GRAMD1A: variants seen among roughly 807,000 people sequenced by gnomAD.
GRAMD1A encodes protein Aster-A.
GRAMD1A carries 50 observed loss-of-function variants against 92.0 expected under a neutral mutation model. That is an observed-to-expected ratio of 0.54 (90% CI 0.43 to 0.69). GRAMD1A has a LOEUF of 0.69. Ranked by LOEUF, GRAMD1A falls within the 30% of genes least tolerant of loss-of-function variation. The pLI, the probability that GRAMD1A is intolerant of heterozygous loss-of-function variation, is 0.00. For synonymous variants in GRAMD1A, 405 were observed against 403.6 expected (o/e 1.00, Z -0.04); for missense variants, 819 against 978.9 (o/e 0.84, Z 2.18).
At chr19:35,020,564 C>T (rs890996918) in intron 13 of GRAMD1A, among the ~76,000 whole-genome samples, 1 of 145,750 alleles carries the variant, frequency 6.9e-6, no homozygotes, top group Non-Finnish European at 1.5e-5. Context: ...AAACAAAAAA[C>T]AAGTTAAAAA....
intron 1 of GRAMD1A, among the ~76,000 whole-genome samples, chr19:35,006,834 C>A (rs1300843660): frequency 6.6e-6 from 1 of 152,208 alleles, no homozygotes; most frequent in African/African-American, 2.4e-5. Flanking sequence ...TCCAGATAGC[C>A]TGGGGTGTGG....
Position 35,013,392 on chromosome 19 carries a change from T to C in GRAMD1A, c.719+24T>C. ...GGGTGAGTTGGAGGTCAAAGGAGGT[T>C]GAAGGGTTCGGGGGAGAACAGGACG... On this transcript the variant is annotated intron_variant, in intron 8 of 19. Transcript: ENST00000317991. This position sits in a 1 kb window ranked among gnomAD's most constrained non-coding sequence, Gnocchi z 4.9. 1 of 1,524,430 alleles carries C rather than the reference T, an allele frequency of 6.6e-7. No individual in the cohort carries two copies. Among genetic ancestry groups the C allele is most frequent in the Non-Finnish European group, 9.0e-7 (1 of 1,114,606 alleles). 94.4% of individuals were successfully genotyped at this position (1,524,430 alleles called of 1,614,324 possible).
chr19:35,012,024 C>T (rs2015279241), intron 7 of GRAMD1A, among the ~76,000 whole-genome samples: 1 of 152,168 alleles, frequency 6.6e-6, no homozygotes, highest in Non-Finnish European at 1.5e-5. Flanking sequence ...CACAGTCAGG[C>T]CCTAAGGAGG....
chr19:34,999,083 G>A (rs989366359), upstream of GRAMD1A, among the ~76,000 whole-genome samples: 4 of 152,104 alleles, frequency 2.6e-5, no homozygotes, highest in African/African-American at 9.7e-5. Flanking sequence ...CTGGCTGCAG[G>A]TGAGAACAGA....
chr19:35,011,101 C>CAA (rs56905471), intron 6 of GRAMD1A, among the ~76,000 whole-genome samples: 725 of 71,646 alleles, frequency 0.01, 17 homozygotes, highest in African/African-American at 0.036. Flanking sequence ...GACCCTGTCT[C>CAA]AAAAAAAAAA....
chr19:35,003,383 T>G (rs1293699409), intron 1 of GRAMD1A, among the ~76,000 whole-genome samples: 1 of 152,088 alleles, frequency 6.6e-6, no homozygotes, highest in Middle Eastern at 3.2e-3. Flanking sequence ...CAAAACAACA[T>G]CCCTTCCGAG....
intron 17 of GRAMD1A, 65 bp downstream of exon 17, chr19:35,022,976 T>G: frequency 8.7e-7 from 1 of 1,143,970 alleles, no homozygotes; most frequent in Non-Finnish European, 1.2e-6. Context: ...CAGCCTCTTC[T>G]CCCCACCCCA....
rs773303390 is a variant in GRAMD1A at position 35,019,211 on chromosome 19, A to G, written c.1234A>G (p.Ser412Gly). 15 of 1,611,394 alleles carry G rather than the reference A, an allele frequency of 9.3e-6. No homozygotes were observed. The highest frequency in any genetic ancestry group is 1.3e-5 in the Non-Finnish European group (15 of 1,177,950). Reference sequence around the variant, plus strand: ...TCTAGACGTGACGCTGAGCCCCTGGAGTGGGGACAGCAAGTGCCACCAGCG... The same window carrying G: ...TCTAGACGTGACGCTGAGCCCCTGGGGTGGGGACAGCAAGTGCCACCAGCG... ...KFTDVTLSPW[S>G]GDSKCHQRRV... Residue 412 changes from serine to glycine, a missense_variant, in exon 12 of 20, where the codon AGT becomes GGT. Coordinates refer to ENST00000317991, the MANE Select transcript of GRAMD1A (RefSeq NM_020895.5).
chr19:35,018,260 G>A (rs1209720738), intron 11 of GRAMD1A, among the ~76,000 whole-genome samples: 2 of 152,188 alleles, frequency 1.3e-5, no homozygotes, highest in Admixed American at 6.5e-5. Flanking sequence ...ATTTCCCGAA[G>A]TGCTGGGATT....
At position 35,000,646 on chromosome 19, in the gene GRAMD1A, A is replaced by AG. The variant is rs2014292757; in HGVS notation, c.8+165dup. 8.0e-6 allele frequency among the ~76,000 whole-genome samples: 1 copy of AG among 124,276 alleles called. No homozygotes were observed. Among genetic ancestry groups the AG allele is most frequent in the Admixed American group, 7.7e-5 (1 of 12,988 alleles). The allele number at this position is 124,276 out of a possible 152,430, so 81.5% of individuals were successfully genotyped here. A position where few individuals can be genotyped will look rare whatever the true frequency, so the allele number is the denominator to read the frequency against. ...GGGGCGATCGGGGTGGGGGCGGGGCAGGGGGCCCCCGGGCGAGGGGTGCAG... is the reference window on the plus strand; with the variant it reads ...GGGGCGATCGGGGTGGGGGCGGGGCAGGGGGGCCCCCGGGCGAGGGGTGCAG... On this transcript the variant is annotated intron_variant, in intron 1 of 19. Coordinates refer to ENST00000317991, the MANE Select transcript of GRAMD1A (RefSeq NM_020895.5). This position sits in a 1 kb window ranked among gnomAD's most constrained non-coding sequence, Gnocchi z 4.9.
In GRAMD1A at chr19:35,013,379, G is replaced by T. The variant is rs376334048; in HGVS notation, c.719+11G>T. The T allele has an allele frequency of 4.6e-6, 7 of 1,528,352 alleles. No homozygotes were observed. In the African/African-American group the frequency reaches 8.2e-5, roughly 18 times the overall value. 94.7% of individuals were successfully genotyped at this position (1,528,352 alleles called of 1,614,324 possible). A position where few individuals can be genotyped will look rare whatever the true frequency, so the allele number is the denominator to read the frequency against. On this transcript the variant is annotated intron_variant, in intron 8 of 19. Transcript: ENST00000317991. This position sits in a 1 kb window ranked among gnomAD's most constrained non-coding sequence, Gnocchi z 4.9. ...GCTGAACGGTCTGGGGTGAGTTGGA[G>T]GTCAAAGGAGGTTGAAGGGTTCGGG...
chr19:35,011,074 C>T (rs2015197931), intron 6 of GRAMD1A, among the ~76,000 whole-genome samples: 1 of 145,552 alleles, frequency 6.9e-6, no homozygotes, highest in East Asian at 2.0e-4. Context: ...TGCACTCCAG[C>T]CTGGGTGACA....
Position 35,021,762 on chromosome 19 carries a change from G to A in GRAMD1A, c.1651G>A (p.Gly551Ser), listed in dbSNP as rs190582427. ...GGKDARGLLS[G>S]LRRRKRPLSW... ...GAAGGATGCCCGGGGCTTGCTATCC[G>A]GCCTGCGGCGGCGGAAGCGGCCCCT... Residue 551 changes from glycine (G) to serine (S), a missense_variant, in exon 15 of 20, where the codon GGC becomes AGC. This residue lies in a region of GRAMD1A where 577 missense variants were observed against 674.6 expected (regional missense o/e 0.86). Coordinates refer to ENST00000317991, the MANE Select transcript of GRAMD1A (RefSeq NM_020895.5). This position sits in a 1 kb window ranked among gnomAD's most constrained non-coding sequence, Gnocchi z 5.3. The A allele has an allele frequency of 6.3e-5, 101 of 1,613,234 alleles. No individual in the cohort carries two copies. In the Middle Eastern group the frequency reaches 9.9e-4, roughly 16 times the overall value.
At chr19:35,015,681 G>A (rs2015570154) in intron 10 of GRAMD1A, 143 bp from the exon 11 acceptor site, 1 of 698,976 alleles carries the variant, frequency 1.4e-6, no homozygotes. Context: ...AGTCACAGGA[G>A]GGCTCTGTGT....
chr19:35,011,464 T>A lies in GRAMD1A; in HGVS notation c.526-10T>A, dbSNP rs200641144. 1.9e-6 allele frequency: 3 copies of A among 1,600,304 alleles called. No individual in the cohort carries two copies. Among genetic ancestry groups the A allele is most frequent in the Non-Finnish European group, 2.6e-6 (3 of 1,171,644 alleles). ...CTGCTCACACCTCTCTCTCTCTCTC[T>A]CCCTGACAGCATTTCTTCACTTCCT... On this transcript the variant is annotated splice_polypyrimidine_tract_variant and intron_variant, in intron 6 of 19. Coordinates refer to ENST00000317991, the MANE Select transcript of GRAMD1A (RefSeq NM_020895.5).
chr19:35,011,170 G>A (rs1370795068), intron 6 of GRAMD1A, among the ~76,000 whole-genome samples: 1 of 151,892 alleles, frequency 6.6e-6, no homozygotes, highest in African/African-American at 2.4e-5. Flanking sequence ...AAGTTCCCTG[G>A]GCTCCCCCCA....
chr19:35,005,866 A>C (rs973542373), intron 1 of GRAMD1A: 1 of 456,274 alleles, frequency 2.2e-6, no homozygotes, highest in Non-Finnish European at 4.4e-6. Flanking sequence ...AGGACAAATA[A>C]GGATTTGCTA....
Position 35,013,042 on chromosome 19 carries a change from T to G in GRAMD1A, c.607-214T>G. 3 of 554,004 alleles carry G rather than the reference T, an allele frequency of 5.4e-6. No homozygotes were observed. Among genetic ancestry groups the G allele is most frequent in the East Asian group, 2.8e-5 (1 of 35,288 alleles). 34.3% of individuals were successfully genotyped at this position (554,004 alleles called of 1,614,324 possible). ...CTCTGGCCAGAGTATTGTGGGGACT[T>G]GGGAAGCAGGAAGTTTGAGTCCTGG... On this transcript the variant is annotated intron_variant, in intron 7 of 19. Transcript: ENST00000317991. This position sits in a 1 kb window ranked among gnomAD's most constrained non-coding sequence, Gnocchi z 4.9.
Position 35,021,686 on chromosome 19 carries a change from C to T in GRAMD1A, c.1580-5C>T, listed in dbSNP as rs774249738. ...GACATCCAGAGCCCCCTCTCTTTTACGCAGAGCGAGAGCTCGCCAAGGCTG... is the reference window on the plus strand; with the variant it reads ...GACATCCAGAGCCCCCTCTCTTTTATGCAGAGCGAGAGCTCGCCAAGGCTG... On this transcript the variant is annotated splice_polypyrimidine_tract_variant and splice_region_variant and intron_variant, in intron 14 of 19. Coordinates refer to ENST00000317991, the MANE Select transcript of GRAMD1A (RefSeq NM_020895.5). The surrounding 1 kb of genome is among the most constrained non-coding windows in gnomAD (Gnocchi z 5.3). 2.0e-5 allele frequency: 33 copies of T among 1,613,964 alleles called. No homozygotes were observed. Among genetic ancestry groups the T allele is most frequent in the South Asian group, 1.2e-4 (11 of 91,096 alleles).
Sources: allele counts gnomAD v4.1 joint callset (sites outside exome capture counted in the v4.1 genomes callset), GRCh38; gene constraint gnomAD v4.1.1; regional missense constraint gnomAD v4.1.1; non-coding constraint Gnocchi (gnomAD v3.1); transcripts MANE v1.5; gene names NCBI Gene and HGNC (gene_info 2026-07-23, HGNC 2026-07-21).